SLC35B3: variants seen among roughly 807,000 people sequenced by gnomAD.
SLC35B3 encodes solute carrier family 35 member B3.
Under a neutral mutation model 44.1 loss-of-function variants are expected in SLC35B3, and 35 were observed. That is an observed-to-expected ratio of 0.79 (90% CI 0.61 to 1.05). The LOEUF (loss-of-function observed/expected upper bound fraction) is 1.05, where lower values mean the gene tolerates loss of function less well. Among genes scored for constraint, SLC35B3 ranks in the 50% least tolerant of loss-of-function variants. The probability of loss-of-function intolerance (pLI) is 0.00; values close to 1 mark genes in which losing one functional copy is unlikely to be tolerated. For missense variants in SLC35B3, 414 were observed against 476.4 expected (o/e 0.87, Z 1.22); for synonymous variants, 146 against 167.3 (o/e 0.87, Z 0.98).
rs1418535603 is a variant in SLC35B3 at position 8,419,565 on chromosome 6, C to T, written c.780+15G>A. ...AAATCTGTCTAATTTGAAGAAAAAA[C>T]ACTAGAGTATTTACCATTTCAGAAT... On this transcript the variant is annotated intron_variant, in intron 7 of 10. Coordinates refer to ENST00000644923, the MANE Select transcript of SLC35B3 (RefSeq NM_001370476.2). This position sits in a 1 kb window ranked among gnomAD's most constrained non-coding sequence, Gnocchi z 4.3. The T allele has an allele frequency of 7.6e-7, 1 of 1,314,024 alleles. No homozygotes were observed. The highest frequency in any genetic ancestry group is 1.5e-5 in the African/African-American group (1 of 67,126). The allele number at this position is 1,314,024 out of a possible 1,614,324, so 81.4% of individuals were successfully genotyped here. A position where few individuals can be genotyped will look rare whatever the true frequency, so the allele number is the denominator to read the frequency against.
At chr6:8,417,625 G>T in intron 7 of SLC35B3, 131 bp from the exon 7 acceptor site, 1 of 530,356 alleles carries the variant, frequency 1.9e-6, no homozygotes, top group Non-Finnish European at 3.3e-6. Flanking sequence ...ATTTCAATAT[G>T]GCCTAAATTT....
At position 8,413,567 on chromosome 6, in the gene SLC35B3, C is replaced by T. The variant is rs144682817; in HGVS notation, c.1188G>A (p.Thr396=). 2.5e-5 allele frequency: 40 copies of T among 1,609,434 alleles called. No individual in the cohort carries two copies. The South Asian group carries it at 3.0e-4, about 12-fold the overall frequency. Reference sequence around the variant, plus strand: ...TCACTGTCTATACAGTCTGTGCCAGCGTCCTTGACTTTCTTGCTTCCACTG... The same window carrying T: ...TCACTGTCTATACAGTCTGTGCCAGTGTCCTTGACTTTCTTGCTTCCACTG... Residue 396 remains threonine, a synonymous_variant, in exon 11 of 11, where the codon ACG becomes ACA. Coordinates refer to ENST00000644923, the MANE Select transcript of SLC35B3 (RefSeq NM_001370476.2).
chr6:8,416,414 A>G (rs377311230), intron 9 of SLC35B3, among the ~76,000 whole-genome samples: 3 of 152,302 alleles, frequency 2.0e-5, no homozygotes, highest in South Asian at 4.1e-4. Flanking sequence ...CCCTGCACAC[A>G]GCAGGTGCAT....
chr6:8,415,655 C>T (rs1330172630), intron 9 of SLC35B3, among the ~76,000 whole-genome samples: 1 of 152,152 alleles, frequency 6.6e-6, no homozygotes, highest in African/African-American at 2.4e-5. Flanking sequence ...CAGTTCCTGG[C>T]ACTTAGTAAT....
intron 4 of SLC35B3, among the ~76,000 whole-genome samples, chr6:8,423,171 G>C (rs1004952454): frequency 6.6e-6 from 1 of 151,984 alleles, no homozygotes; most frequent in African/African-American, 2.4e-5. Context: ...CCTCCATAAT[G>C]GTAAAAGGTA....
chr6:8,419,621 C>T lies in SLC35B3; in HGVS notation c.739G>A (p.Glu247Lys). ...GCATTATGAAGTTTCATAGCTTTCT[C>T]TTGAACATTTCCAATGACGGCATCT... The change falls in exon 7 of 11, where the codon GAG (glutamate) becomes AAG (lysine). Residue 247 changes from glutamate to lysine, a missense_variant. Glu to Lys is a moderately conservative substitution (Grantham distance 56, BLOSUM62 1). Transcript: ENST00000644923. This position sits in a 1 kb window ranked among gnomAD's most constrained non-coding sequence, Gnocchi z 4.3. The T allele has an allele frequency of 6.4e-7, 1 of 1,571,112 alleles. No individual in the cohort carries two copies. The highest frequency in any genetic ancestry group is 1.4e-5 in the African/African-American group (1 of 73,996).
rs368523444 is a variant in SLC35B3 at position 8,429,870 on chromosome 6, A to G, written c.291T>C (p.Tyr97=). ...AAACATATAACTTTTTTACCTGTAAATACCCATAAATTAGGTAAAATACAA... is the reference window on the plus strand; with the variant it reads ...AAACATATAACTTTTTTACCTGTAAGTACCCATAAATTAGGTAAAATACAA... Residue 97 remains tyrosine (Y), a synonymous_variant, in exon 3 of 11, where the codon TAT becomes TAC. Transcript: ENST00000644923. 84 of 1,569,728 alleles carry G rather than the reference A, an allele frequency of 5.4e-5. No homozygotes were observed. The highest frequency in any genetic ancestry group is 6.4e-5 in the Non-Finnish European group (74 of 1,151,960).
At position 8,432,351 on chromosome 6, in the gene SLC35B3, C is replaced by T. The variant is rs571777143; in HGVS notation, c.3+2034G>A. On this transcript the variant is annotated intron_variant, in intron 2 of 10. Coordinates refer to ENST00000644923, the MANE Select transcript of SLC35B3 (RefSeq NM_001370476.2). This position sits in a 1 kb window ranked among gnomAD's most constrained non-coding sequence, Gnocchi z 4.8. ...CATACATACAGAATAAATAAAACTT[C>T]TAGAAAATATCTTTCTTTCCTGCTT... Among the ~76,000 whole-genome samples, 17 of 151,998 alleles carry T rather than the reference C, an allele frequency of 1.1e-4. No individual in the cohort carries two copies. The highest frequency in any genetic ancestry group is 1.0e-3 in the South Asian group (5 of 4,820).
Position 8,420,708 on chromosome 6 carries a change from A to G in SLC35B3, c.682+13T>C, listed in dbSNP as rs1181253207. On this transcript the variant is annotated intron_variant, in intron 6 of 10. Coordinates refer to ENST00000644923, the MANE Select transcript of SLC35B3 (RefSeq NM_001370476.2). The surrounding 1 kb of genome is among the most constrained non-coding windows in gnomAD (Gnocchi z 4.4). Reference sequence around the variant, plus strand: ...AAGCCTATAAAAGCTAGGAATATAAATAAATTACTTACCCGTCAGGTTGAA... The same window carrying G: ...AAGCCTATAAAAGCTAGGAATATAAGTAAATTACTTACCCGTCAGGTTGAA... 1 of 1,594,180 alleles carries G rather than the reference A, an allele frequency of 6.3e-7. No individual in the cohort carries two copies. The highest frequency in any genetic ancestry group is 8.6e-7 in the Non-Finnish European group (1 of 1,165,242).
At position 8,420,002 on chromosome 6, in the gene SLC35B3, AG is replaced by A. The variant is rs1386315742; in HGVS notation, c.683-326del. Among the ~76,000 whole-genome samples, 2 of 151,994 alleles carry A rather than the reference AG, an allele frequency of 1.3e-5. No individual in the cohort carries two copies. The highest frequency in any genetic ancestry group is 2.9e-5 in the Non-Finnish European group (2 of 67,970). On this transcript the variant is annotated intron_variant, in intron 6 of 10. Transcript: ENST00000644923. This position sits in a 1 kb window ranked among gnomAD's most constrained non-coding sequence, Gnocchi z 4.4. ...TTCTGAAAGTGTAGAAGAAACTCTT[AG>A]GATATCTATCTATTGGGATTGGTGG...
chr6:8,423,992 A>G (rs1763179536), intron 4 of SLC35B3, among the ~76,000 whole-genome samples: 1 of 152,208 alleles, frequency 6.6e-6, no homozygotes, highest in Admixed American at 6.5e-5. Flanking sequence ...AATCATTGGC[A>G]GAAAATAAAA....
In SLC35B3 at chr6:8,420,646, G is replaced by T; in HGVS notation, c.682+75C>A. The stretch of plus-strand genomic sequence containing the variant: ...CAGCTGTCACACTATCATTTAAAAT[G>T]CTTACAAAATATTCGAAATTCGTAT... On this transcript the variant is annotated intron_variant, in intron 6 of 10. Coordinates refer to ENST00000644923, the MANE Select transcript of SLC35B3 (RefSeq NM_001370476.2). The surrounding 1 kb of genome is among the most constrained non-coding windows in gnomAD (Gnocchi z 4.4). 2 of 1,113,908 alleles carry T rather than the reference G, an allele frequency of 1.8e-6. No homozygotes were observed. Among genetic ancestry groups the T allele is most frequent in the Non-Finnish European group, 2.6e-6 (2 of 755,470 alleles). The allele number at this position is 1,113,908 out of a possible 1,614,324, so 69.0% of individuals were successfully genotyped here.
At position 8,420,042 on chromosome 6, in the gene SLC35B3, T is replaced by TAAA. The variant is rs770082309; in HGVS notation, c.683-368_683-366dup. 3.6e-5 allele frequency among the ~76,000 whole-genome samples: 5 copies of TAAA among 137,856 alleles called. No individual in the cohort carries two copies. The highest frequency in any genetic ancestry group is 2.2e-4 in the Admixed American group (3 of 13,780). 90.4% of individuals were successfully genotyped at this position (137,856 alleles called of 152,430 possible). On this transcript the variant is annotated intron_variant, in intron 6 of 10. Coordinates refer to ENST00000644923, the MANE Select transcript of SLC35B3 (RefSeq NM_001370476.2). The surrounding 1 kb of genome is among the most constrained non-coding windows in gnomAD (Gnocchi z 4.4). ...TGGGATTGGTGGCTATTCAGTTAATTAAAAAAAAAAAAAACAGATGAAGAG... is the reference window on the plus strand; with the variant it reads ...TGGGATTGGTGGCTATTCAGTTAATTAAAAAAAAAAAAAAAAACAGATGAAGAG...
In SLC35B3 at chr6:8,434,049, T is replaced by TATATATATATATA. The variant is rs1554122963; in HGVS notation, c.3+335_3+336insTATATATATATAT. Among the ~76,000 whole-genome samples, 151 of 150,242 alleles carry TATATATATATATA rather than the reference T, an allele frequency of 1.0e-3. 1 individual carries two copies. The East Asian group carries it at 0.017, about 17-fold the overall frequency. ...TGAAACTAAAATATATATATATATA[T>TATATATATATATA]TTTAAAAATCACAGGTGTGTATAAT... On this transcript the variant is annotated intron_variant, in intron 2 of 10. Coordinates refer to ENST00000644923, the MANE Select transcript of SLC35B3 (RefSeq NM_001370476.2). The surrounding 1 kb of genome is among the most constrained non-coding windows in gnomAD (Gnocchi z 6.3).
At position 8,411,756 on chromosome 6, in the gene SLC35B3, A is replaced by T. The variant is rs1473504855; in HGVS notation, c.*1793T>A. Among the ~76,000 whole-genome samples, 2 of 152,224 alleles carry T rather than the reference A, an allele frequency of 1.3e-5. No homozygotes were observed. Among genetic ancestry groups the T allele is most frequent in the African/African-American group, 4.8e-5 (2 of 41,454 alleles). On this transcript the variant is annotated 3_prime_UTR_variant, in exon 11 of 11. Coordinates refer to ENST00000644923, the MANE Select transcript of SLC35B3 (RefSeq NM_001370476.2). The stretch of plus-strand genomic sequence containing the variant: ...ATCAGAATACAATGGAATTTTAAGA[A>T]TGAGATTAACTATTCCAAGTATATT...
At chr6:8,428,975 A>G (rs1561761767) in intron 3 of SLC35B3, among the ~76,000 whole-genome samples, 1 of 152,118 alleles carries the variant, frequency 6.6e-6, no homozygotes. Context: ...GTTCACTTAC[A>G]TTTCCCTTGA....
chr6:8,434,304 C>T lies in SLC35B3; in HGVS notation c.3+81G>A. 1 of 1,348,614 alleles carries T rather than the reference C, an allele frequency of 7.4e-7. No homozygotes were observed. Among genetic ancestry groups the T allele is most frequent in the Non-Finnish European group, 1.1e-6 (1 of 948,710 alleles). The allele number at this position is 1,348,614 out of a possible 1,614,324, so 83.5% of individuals were successfully genotyped here. ...AAAAGGTAGAATATGAAAAAAAAGT[C>T]ATTACGGTGTCATTAACCTGAAAAA... On this transcript the variant is annotated intron_variant, in intron 2 of 10. Coordinates refer to ENST00000644923, the MANE Select transcript of SLC35B3 (RefSeq NM_001370476.2). This position sits in a 1 kb window ranked among gnomAD's most constrained non-coding sequence, Gnocchi z 6.3.
Position 8,417,439 on chromosome 6 carries a change from G to A in SLC35B3, c.836C>T (p.Thr279Ile). ...TGTTACTGCAGGGCCTAATCCACTA[G>A]TGCATGTCAATCCCAGTAAAATGTA... is the stretch of plus-strand genomic sequence containing the variant. Residue 279 changes from threonine to isoleucine, a missense_variant, in exon 8 of 11, where the codon ACT becomes ATT. Thr to Ile is a moderately conservative substitution (Grantham distance 89). Coordinates refer to ENST00000644923, the MANE Select transcript of SLC35B3 (RefSeq NM_001370476.2). 1.9e-6 allele frequency: 3 copies of A among 1,606,484 alleles called. No individual in the cohort carries two copies. The highest frequency in any genetic ancestry group is 1.7e-6 in the Non-Finnish European group (2 of 1,176,548).
At chr6:8,426,234 T>C (rs752342816) in intron 4 of SLC35B3, among the ~76,000 whole-genome samples, 3 of 152,224 alleles carry the variant, frequency 2.0e-5, no homozygotes, top group East Asian at 1.9e-4. Context: ...TGCATCTGCA[T>C]AGTAAGGTAT....
Sources: allele counts gnomAD v4.1 joint callset (sites outside exome capture counted in the v4.1 genomes callset), GRCh38; gene constraint gnomAD v4.1.1; non-coding constraint Gnocchi (gnomAD v3.1); transcripts MANE v1.5; gene names NCBI Gene and HGNC (gene_info 2026-07-23, HGNC 2026-07-21).